DHCR7: variants seen among roughly 807,000 people sequenced by gnomAD.
The protein encoded by DHCR7 is 7-dehydrocholesterol reductase.
A neutral mutation model predicts 43.3 loss-of-function variants in DHCR7; 40 were observed. The ratio of observed to expected loss-of-function variants is 0.92; its 90% CI spans 0.72 to 1.20. DHCR7 has a LOEUF of 1.20. Among genes scored for constraint, DHCR7 ranks in the 50% most tolerant of loss-of-function variants. DHCR7 has a pLI of 0.00. For synonymous variants in DHCR7, 298 were observed against 271.4 expected, an observed-to-expected ratio of 1.10 and a Z score of -0.96; for missense variants, 608 against 644.6, an observed-to-expected ratio of 0.94 and a Z score of 0.62.
chr11:71,433,362 GC>G (rs1373790128), downstream of DHCR7, among the ~76,000 whole-genome samples: 1 of 152,226 alleles, frequency 6.6e-6, no homozygotes, highest in Non-Finnish European at 1.5e-5. Context: ...GTGGGACAGA[GC>G]CTGGGCCACA....
chr11:71,444,166 C>T lies in DHCR7; in HGVS notation c.148G>A (p.Ala50Thr), dbSNP rs747103823. 21 of 1,608,482 alleles carry T rather than the reference C, an allele frequency of 1.3e-5. No homozygotes were observed. Among genetic ancestry groups the T allele is most frequent in the Admixed American group, 3.4e-5 (2 of 59,146 alleles). The change falls in exon 4 of 9, where the codon GCC becomes ACC. Residue 50 changes from alanine (A) to threonine (T), a missense_variant. Coordinates refer to ENST00000355527, the MANE Select transcript of DHCR7 (RefSeq NM_001360.3). Reference sequence around the variant, plus strand: ...ATGAAGTAGTAGACGATGAAGGGGGCGAACAGCAGTAGGAAGATGACGCTC... The same window carrying T: ...ATGAAGTAGTAGACGATGAAGGGGGTGAACAGCAGTAGGAAGATGACGCTC... The part of the protein sequence containing the change: ...LASVIFLLLF[A>T]PFIVYYFIMA...
At chr11:71,444,363 T>G in intron 3 of DHCR7, 148 bp from the exon 4 acceptor site, 1 of 692,958 alleles carries the variant, frequency 1.4e-6, no homozygotes, top group Admixed American at 2.3e-5. Context: ...GGGCCCTCCT[T>G]GCGGCCAGGG....
chr11:71,432,905 TCTG>T (rs775269732), downstream of DHCR7, among the ~76,000 whole-genome samples: 3 of 152,218 alleles, frequency 2.0e-5, no homozygotes, highest in Admixed American at 6.5e-5. Flanking sequence ...AGAAAGCAGA[TCTG>T]CTGGAGCCAA....
chr11:71,447,306 A>C (rs1949415464), intron 2 of DHCR7, among the ~76,000 whole-genome samples: 1 of 152,256 alleles, frequency 6.6e-6, no homozygotes, highest in South Asian at 2.1e-4. Flanking sequence ...CACTGGGAGA[A>C]TGTTGTCAAA....
chr11:71,441,110 T>C lies in DHCR7; in HGVS notation c.626+117A>G, dbSNP rs1591111224. Reference sequence around the variant, plus strand: ...GAAGCAAGTTCCATCCCCCTCCTCCTCTTCCACGGATTCTCAGTGCTCAGG... The same window carrying C: ...GAAGCAAGTTCCATCCCCCTCCTCCCCTTCCACGGATTCTCAGTGCTCAGG... On this transcript the variant is annotated intron_variant, in intron 6 of 8. Transcript: ENST00000355527. 5.3e-6 allele frequency: 5 copies of C among 951,614 alleles called. No homozygotes were observed. The East Asian group carries it at 1.3e-4, about 24-fold the overall frequency. The allele number at this position is 951,614 out of a possible 1,614,324, so 58.9% of individuals were successfully genotyped here. A position where few individuals can be genotyped will look rare whatever the true frequency, so the allele number is the denominator to read the frequency against.
chr11:71,429,493 C>T (rs538448520), downstream of DHCR7, among the ~76,000 whole-genome samples: 11 of 152,296 alleles, frequency 7.2e-5, no homozygotes, highest in South Asian at 2.1e-4. Context: ...AGATGGAAAG[C>T]GGTCAGATCC....
At chr11:71,437,993 C>A in intron 7 of DHCR7, 50 bp from the exon 8 acceptor site, 1 of 1,605,394 alleles carries the variant, frequency 6.2e-7, no homozygotes, top group South Asian at 1.1e-5. Flanking sequence ...CTGGGGCCCC[C>A]ATGGACCTCG....
chr11:71,441,112 T>C (rs1949342880), intron 6 of DHCR7, 115 bp downstream of exon 6: 1 of 971,270 alleles, frequency 1.0e-6, no homozygotes, highest in Non-Finnish European at 1.6e-6. Flanking sequence ...CCTCCTCCTC[T>C]TCCACGGATT....
At chr11:71,437,768 G>A (rs1949300547) in intron 8 of DHCR7, 44 bp downstream of exon 8, 1 of 1,612,488 alleles carries the variant, frequency 6.2e-7, no homozygotes. Flanking sequence ...CTTAGCATGT[G>A]TCTGCCAAAT....
At chr11:71,442,608 G>A (rs1300936631) in intron 4 of DHCR7, among the ~76,000 whole-genome samples, 6 of 152,130 alleles carry the variant, frequency 3.9e-5, no homozygotes, top group Non-Finnish European at 7.4e-5. Flanking sequence ...GTCCCTCCCA[G>A]TCACCTTTTT....
chr11:71,441,509 G>A, intron 5 of DHCR7, 69 bp from the exon 6 acceptor site: 1 of 1,348,592 alleles, frequency 7.4e-7, no homozygotes, highest in South Asian at 1.2e-5. Flanking sequence ...CTGGGCTGAA[G>A]CATGCCTGGC....
chr11:71,433,583 T>C (rs1435537995), downstream of DHCR7, among the ~76,000 whole-genome samples: 1 of 152,134 alleles, frequency 6.6e-6, no homozygotes, highest in African/African-American at 2.4e-5. Context: ...ATGACCCTCA[T>C]CTTTCAAAAG....
chr11:71,441,504 C>A, intron 5 of DHCR7, 64 bp from the exon 6 acceptor site: 6 of 1,367,832 alleles, frequency 4.4e-6, no homozygotes, highest in Middle Eastern at 2.1e-4. Context: ...CTTGGCTGGG[C>A]TGAAGCATGC....
At chr11:71,444,517 C>T (rs949695119) in intron 3 of DHCR7, among the ~76,000 whole-genome samples, 5 of 152,140 alleles carry the variant, frequency 3.3e-5, no homozygotes, top group African/African-American at 9.7e-5. Context: ...AGTTCCAGGT[C>T]GGAGAGGATA....
intron 6 of DHCR7, among the ~76,000 whole-genome samples, chr11:71,439,663 C>T (rs930107074): frequency 1.3e-5 from 2 of 152,160 alleles, no homozygotes; most frequent in Non-Finnish European, 2.9e-5. Flanking sequence ...GAGCATCAGC[C>T]GAGATAACCC....
chr11:71,429,430 G>A (rs1949217099), downstream of DHCR7, among the ~76,000 whole-genome samples: 2 of 152,182 alleles, frequency 1.3e-5, no homozygotes. Context: ...AGGAGGCAGG[G>A]AGACATGCGC....
chr11:71,445,517 C>T (rs1233616668), intron 2 of DHCR7, among the ~76,000 whole-genome samples: 2 of 152,190 alleles, frequency 1.3e-5, no homozygotes, highest in Non-Finnish European at 2.9e-5. Context: ...GTAACTCTCC[C>T]CATCGCCTAG....
chr11:71,429,595 G>C (rs1949218356), downstream of DHCR7, among the ~76,000 whole-genome samples: 5 of 152,170 alleles, frequency 3.3e-5, no homozygotes, highest in South Asian at 1.0e-3. Context: ...TTTTCGGTTA[G>C]AGCAACTGAC....
chr11:71,447,073 G>C (rs749258169), intron 2 of DHCR7, among the ~76,000 whole-genome samples: 1 of 152,104 alleles, frequency 6.6e-6, no homozygotes, highest in Non-Finnish European at 1.5e-5. Context: ...CACTCCCTCC[G>C]ATCCCTAGTT....
Sources: allele counts gnomAD v4.1 joint callset (sites outside exome capture counted in the v4.1 genomes callset), GRCh38; gene constraint gnomAD v4.1.1; transcripts MANE v1.5; gene names NCBI Gene and HGNC (gene_info 2026-07-23, HGNC 2026-07-21).